The following GON7 variants were observed in gnomAD, a reference collection of about 807,000 sequenced individuals.
GON7 encodes the protein GON7 subunit of KEOPS complex, also known as EKC/KEOPS complex subunit GON7.
A neutral mutation model predicts 7.6 loss-of-function variants in GON7; 2 were observed. The ratio of observed to expected loss-of-function variants is 0.26; its 90% CI spans 0.11 to 0.83. GON7 has a LOEUF of 0.83. GON7 is among the 40% of genes least tolerant of loss of function. The pLI, the probability that GON7 is intolerant of heterozygous loss-of-function variation, is 0.65. For missense variants in GON7, 121 were observed against 132.2 expected (o/e 0.92, Z 0.42); for synonymous variants, 54 against 56.6 (o/e 0.95, Z 0.20).
chr14:93,206,825 C>T lies in GON7; in HGVS notation c.208+5G>A. The T allele has an allele frequency of 1.2e-6, 2 of 1,612,782 alleles. No individual in the cohort carries two copies. The highest frequency in any genetic ancestry group is 1.3e-5 in the African/African-American group (1 of 75,046). On this transcript the variant is annotated splice_donor_5th_base_variant and intron_variant, in intron 1 of 1. Coordinates refer to ENST00000306954, the MANE Select transcript of GON7 (RefSeq NM_032490.5). ...CGGTCACTGCAGCACCGTCTCAGAGCTCACCGTCCAAGTCCTCGTCTGGAG... is the reference window on the plus strand; with the variant it reads ...CGGTCACTGCAGCACCGTCTCAGAGTTCACCGTCCAAGTCCTCGTCTGGAG...
rs1172738890 is a variant in GON7 at position 93,206,891 on chromosome 14, G to C, written c.147C>G (p.Asp49Glu). 6.2e-7 allele frequency: 1 copy of C among 1,614,210 alleles called. No homozygotes were observed. The highest frequency in any genetic ancestry group is 2.2e-5 in the East Asian group (1 of 44,884). Residue 49 changes from aspartate to glutamate, a missense_variant, in exon 1 of 2, where the codon GAC (aspartate) becomes GAG (glutamate). Transcript: ENST00000306954. ...GCTGCACTTCCCCCTGTACCAGAGG[G>C]TCGAATAATTCCGTTACCATGTCCT... ...QMKDMVTELF[D>E]PLVQGEVQHR...
Position 93,203,724 on chromosome 14 carries a change from A to G in GON7, c.267T>C (p.Asp89=). Residue 89 remains aspartate, a synonymous_variant, in exon 2 of 2, where the codon GAT becomes GAC. Transcript: ENST00000306954. The part of the protein sequence containing the change: ...ENNIDNRTNF[D]GPSAKRPKTP... ...TTTTTGGCCGTTTTGCAGATGGTCC[A>G]TCGAAGTTAGTTCTGTTATCAATGT... 3 of 1,614,122 alleles carry G rather than the reference A, an allele frequency of 1.9e-6. No individual in the cohort carries two copies. Among genetic ancestry groups the G allele is most frequent in the Non-Finnish European group, 1.7e-6 (2 of 1,180,022 alleles).
chr14:93,204,925 C>A (rs1402823477), intron 1 of GON7, among the ~76,000 whole-genome samples: 1 of 152,206 alleles, frequency 6.6e-6, no homozygotes, highest in Admixed American at 6.5e-5. Flanking sequence ...GCTTCAAACT[C>A]TTGGGTTCAC....
chr14:93,205,907 T>C (rs1408442599), intron 1 of GON7, among the ~76,000 whole-genome samples: 1 of 152,192 alleles, frequency 6.6e-6, no homozygotes, highest in Admixed American at 6.5e-5. Context: ...AAAACTCCTT[T>C]TTATTCAACA....
chr14:93,204,080 C>G (rs1259055903), intron 1 of GON7, among the ~76,000 whole-genome samples: 1 of 152,184 alleles, frequency 6.6e-6, no homozygotes, highest in Non-Finnish European at 1.5e-5. Context: ...ACTGCAACCT[C>G]CGCCTCCGGG....
At chr14:93,204,140 C>A (rs1026396980) in intron 1 of GON7, among the ~76,000 whole-genome samples, 1 of 152,100 alleles carries the variant, frequency 6.6e-6, no homozygotes, top group Non-Finnish European at 1.5e-5. Context: ...GGATTACAGG[C>A]ACGCGCTACC....
intron 1 of GON7, 39 bp from the exon 2 acceptor site, chr14:93,203,821 A>C (rs892760637): frequency 6.6e-7 from 1 of 1,522,466 alleles, no homozygotes; most frequent in Non-Finnish European, 9.1e-7. Context: ...AATACGTTCT[A>C]TGGCTGAAAG....
At chr14:93,203,859 A>G in intron 1 of GON7, 77 bp from the exon 2 acceptor site, 7 of 1,036,128 alleles carry the variant, frequency 6.8e-6, no homozygotes, top group Non-Finnish European at 8.6e-6. Flanking sequence ...GTGGTTGATA[A>G]TGAGACCATT....
At chr14:93,206,037 G>C (rs1023928012) in intron 1 of GON7, among the ~76,000 whole-genome samples, 1 of 151,748 alleles carries the variant, frequency 6.6e-6, no homozygotes, top group African/African-American at 2.4e-5. Context: ...ACGGAGTCTC[G>C]CTCTGTCGCC....
Position 93,203,510 on chromosome 14 carries a change from ATTTC to A in GON7, c.*174_*177del. On this transcript the variant is annotated 3_prime_UTR_variant, in exon 2 of 2. Coordinates refer to ENST00000306954, the MANE Select transcript of GON7 (RefSeq NM_032490.5). ...TTTATTTCTCAAGAAAACAGATTTTATTTCTAAGCCTTTACTATCTTTGCTAGAA... is the reference window on the plus strand; with the variant it reads ...TTTATTTCTCAAGAAAACAGATTTTATAAGCCTTTACTATCTTTGCTAGAA... The A allele has an allele frequency of 4.0e-6, 2 of 499,108 alleles. No individual in the cohort carries two copies. Among genetic ancestry groups the A allele is most frequent in the Non-Finnish European group, 7.1e-6 (2 of 283,098 alleles). The allele number at this position is 499,108 out of a possible 1,614,324, so 30.9% of individuals were successfully genotyped here. A position where few individuals can be genotyped will look rare whatever the true frequency, so the allele number is the denominator to read the frequency against.
In GON7 at chr14:93,206,982, A is replaced by C. The variant is rs777152211; in HGVS notation, c.56T>G (p.Val19Gly). The C allele has an allele frequency of 6.2e-7, 1 of 1,614,082 alleles. No homozygotes were observed. ...GCCGTCACCCGGCGCCTCACAGGAC[A>C]CCCGCAGCTTCTGCGGCTTCCCTTC... Reference protein sequence around the residue: ...GQEGKPQKLRVSCEAPGDGDP... With the variant: ...GQEGKPQKLRGSCEAPGDGDP... The change falls in exon 1 of 2, where the codon GTG (valine) becomes GGG (glycine). Residue 19 changes from valine (V) to glycine (G), a missense_variant. Transcript: ENST00000306954.
In GON7 at chr14:93,206,817, T is replaced by C. The variant is rs1467401562; in HGVS notation, c.208+13A>G. 6.2e-7 allele frequency: 1 copy of C among 1,611,682 alleles called. No individual in the cohort carries two copies. The highest frequency in any genetic ancestry group is 8.5e-7 in the Non-Finnish European group (1 of 1,179,042). ...CCGTCCTCCGGTCACTGCAGCACCG[T>C]CTCAGAGCTCACCGTCCAAGTCCTC... is the stretch of plus-strand genomic sequence containing the variant. On this transcript the variant is annotated intron_variant, in intron 1 of 1. Transcript: ENST00000306954.
rs1172738890 is a variant in GON7, at chr14:93,206,891, G to A, written c.147C>T (p.Asp49=). Residue 49 remains aspartate, a synonymous_variant, in exon 1 of 2, where the codon GAC becomes GAT. Coordinates refer to ENST00000306954, the MANE Select transcript of GON7 (RefSeq NM_032490.5). ...GCTGCACTTCCCCCTGTACCAGAGG[G>A]TCGAATAATTCCGTTACCATGTCCT... ...QMKDMVTELF[D]PLVQGEVQHR... is the part of the protein sequence containing the mutation. 6.2e-7 allele frequency: 1 copy of A among 1,614,092 alleles called. No homozygotes were observed. Among genetic ancestry groups the A allele is most frequent in the African/African-American group, 1.3e-5 (1 of 74,944 alleles).
chr14:93,203,920 A>G, intron 1 of GON7, 138 bp from the exon 2 acceptor site: 1 of 592,246 alleles, frequency 1.7e-6, no homozygotes, highest in Admixed American at 3.1e-5. Context: ...AATGATTTTG[A>G]GAATTTCAGT....
At chr14:93,205,132 C>T (rs1894315021) in intron 1 of GON7, among the ~76,000 whole-genome samples, 1 of 152,212 alleles carries the variant, frequency 6.6e-6, no homozygotes, top group African/African-American at 2.4e-5. Flanking sequence ...TTTTGAGGAG[C>T]TACCAAACTC....
rs1203841926 is a variant in GON7 at position 93,205,709 on chromosome 14, AT to A, written c.208+1120del. ...CCTGCCTATTTCTGCATTCGAGGCAATTTTTTAAAAATAATGCAGTTAAACT... is the reference window on the plus strand; with the variant it reads ...CCTGCCTATTTCTGCATTCGAGGCAATTTTTAAAAATAATGCAGTTAAACT... On this transcript the variant is annotated intron_variant, in intron 1 of 1. Transcript: ENST00000306954. Among the ~76,000 whole-genome samples, 8 of 152,030 alleles carry A rather than the reference AT, an allele frequency of 5.3e-5. 1 individual carries two copies. The South Asian group carries it at 1.5e-3, about 28-fold the overall frequency.
chr14:93,204,141 A>C (rs1894298139), intron 1 of GON7, among the ~76,000 whole-genome samples: 1 of 152,068 alleles, frequency 6.6e-6, no homozygotes, highest in African/African-American at 2.4e-5. Flanking sequence ...GATTACAGGC[A>C]CGCGCTACCA....
At chr14:93,206,391 T>G (rs1894344168) in intron 1 of GON7, among the ~76,000 whole-genome samples, 1 of 151,980 alleles carries the variant, frequency 6.6e-6, no homozygotes. Flanking sequence ...TTCACCTCAT[T>G]CTTCCTCCAG....
rs751384720 is a variant in GON7, at chr14:93,203,727, G to C, written c.264C>G (p.Phe88Leu). 7 of 1,614,034 alleles carry C rather than the reference G, an allele frequency of 4.3e-6. No homozygotes were observed. The highest frequency in any genetic ancestry group is 5.1e-6 in the Non-Finnish European group (6 of 1,179,976). The change falls in exon 2 of 2, where the codon TTC becomes TTG. Residue 88 changes from phenylalanine to leucine, a missense_variant. Physicochemically the swap from Phe to Leu is conservative, Grantham distance 22 (BLOSUM62 0). Coordinates refer to ENST00000306954, the MANE Select transcript of GON7 (RefSeq NM_032490.5). ...DENNIDNRTN[F>L]DGPSAKRPKT... Reference sequence around the variant, plus strand: ...TTGGCCGTTTTGCAGATGGTCCATCGAAGTTAGTTCTGTTATCAATGTTAT... The same window carrying C: ...TTGGCCGTTTTGCAGATGGTCCATCCAAGTTAGTTCTGTTATCAATGTTAT...
Sources: gnomAD v4.1 joint callset for allele counts (sites outside exome capture counted in the v4.1 genomes callset) on GRCh38, gnomAD v4.1.1 for gene constraint, MANE v1.5 for transcripts, NCBI Gene and HGNC (gene_info 2026-07-23, HGNC 2026-07-21) for gene names.